The following CNTN4 variants were observed in gnomAD, a reference collection of about 807,000 sequenced individuals.
CNTN4 encodes the protein contactin 4.
Under a neutral mutation model 122.5 loss-of-function variants are expected in CNTN4, and 77 were observed. That is an observed-to-expected ratio of 0.63 (90% CI 0.52 to 0.76). The LOEUF (loss-of-function observed/expected upper bound fraction) is 0.76, where lower values mean the gene tolerates loss of function less well. Ranked by LOEUF, CNTN4 falls within the 30% of genes least tolerant of loss-of-function variation. The pLI is 0.00. For synonymous variants in CNTN4, 512 were observed against 447.0 expected (o/e 1.15, Z -1.83); for missense variants, 1,256 against 1,259.1 (o/e 1.00, Z 0.04).
At chr3:3,007,879 A>G (rs1286513255) in intron 14 of CNTN4, among the ~76,000 whole-genome samples, 4 of 152,202 alleles carry the variant, frequency 2.6e-5, no homozygotes, top group Admixed American at 2.6e-4. Flanking sequence ...GGCTGGAACA[A>G]CAGAGATAAA....
intron 8 of CNTN4, among the ~76,000 whole-genome samples, chr3:2,878,648 A>G (rs1353098436): frequency 3.3e-5 from 5 of 151,826 alleles, no homozygotes; most frequent in African/African-American, 1.2e-4. Flanking sequence ...CAGCATTGCT[A>G]TTTAAGAGGT....
At chr3:2,893,509 A>G (rs530627317) in intron 10 of CNTN4, among the ~76,000 whole-genome samples, 7 of 152,362 alleles carry the variant, frequency 4.6e-5, no homozygotes, top group African/African-American at 1.4e-4. Flanking sequence ...GATAAAGTCA[A>G]CAATTTTTGT....
At chr3:2,415,609 G>C (rs962077634) in intron 3 of CNTN4, among the ~76,000 whole-genome samples, 5 of 152,042 alleles carry the variant, frequency 3.3e-5, no homozygotes, top group South Asian at 2.1e-4. Context: ...ACGTTTGCTT[G>C]GTATACATTT....
intron 12 of CNTN4, among the ~76,000 whole-genome samples, chr3:2,919,971 A>C (rs116009520): frequency 0.042 from 6,354 of 152,238 alleles, 434 homozygotes; most frequent in African/African-American, 0.15. Context: ...TGAGTTTTCA[A>C]GTCTTTTATA....
At chr3:2,388,494 C>T (rs1350469885) in intron 3 of CNTN4, among the ~76,000 whole-genome samples, 1 of 152,140 alleles carries the variant, frequency 6.6e-6, no homozygotes, top group Non-Finnish European at 1.5e-5. Flanking sequence ...CCTTTGCTTT[C>T]TCTCAGAATA....
chr3:2,154,526 CTG>C (rs1439645536), intron 2 of CNTN4, among the ~76,000 whole-genome samples: 1 of 152,092 alleles, frequency 6.6e-6, no homozygotes, highest in Non-Finnish European at 1.5e-5. Flanking sequence ...TTGTCTGAGT[CTG>C]TGTGCAAAAT....
Position 2,759,707 on chromosome 3 carries a change from C to G in CNTN4, c.358+14010C>G, listed in dbSNP as rs373652390. 1.7e-4 allele frequency among the ~76,000 whole-genome samples: 20 copies of G among 116,706 alleles called. 1 individual carries two copies. The East Asian group carries it at 3.3e-3, about 19-fold the overall frequency. 76.6% of individuals were successfully genotyped at this position (116,706 alleles called of 152,430 possible). On this transcript the variant is annotated intron_variant, in intron 6 of 24. Coordinates refer to ENST00000418658, the MANE Select transcript of CNTN4 (RefSeq NM_175607.3). ...CAGTAACTGGGCAACAGAGGAGACTCTGTCTCAAAAAAAAAAAAAGTATGT... is the reference window on the plus strand; with the variant it reads ...CAGTAACTGGGCAACAGAGGAGACTGTGTCTCAAAAAAAAAAAAAGTATGT...
rs2042141448 is a variant in CNTN4, at chr3:2,291,712, A to G, written c.-144-47466A>G. ...TTTGTGTTGATTTGTTTTGAACTATAATATTTTATTTTATTTTATTTTATT... is the reference window on the plus strand; with the variant it reads ...TTTGTGTTGATTTGTTTTGAACTATGATATTTTATTTTATTTTATTTTATT... On this transcript the variant is annotated intron_variant, in intron 2 of 24. Coordinates refer to ENST00000418658, the MANE Select transcript of CNTN4 (RefSeq NM_175607.3). 4.0e-5 allele frequency among the ~76,000 whole-genome samples: 6 copies of G among 151,686 alleles called. No homozygotes were observed. In the South Asian group the frequency reaches 1.2e-3, roughly 31 times the overall value.
intron 2 of CNTN4, among the ~76,000 whole-genome samples, chr3:2,169,639 C>T (rs139594204): frequency 0.17 from 25,307 of 151,408 alleles, 2,588 homozygotes; most frequent in Non-Finnish European, 0.25. Flanking sequence ...CCTCGTGATC[C>T]ACCCGCCTCC....
At chr3:2,532,672 C>T (rs891816968) in intron 3 of CNTN4, among the ~76,000 whole-genome samples, 2 of 151,968 alleles carry the variant, frequency 1.3e-5, no homozygotes, top group Admixed American at 6.6e-5. Context: ...GCTTAATTTA[C>T]CAATTATTAG....
chr3:2,671,496 C>G (rs1402822256), intron 4 of CNTN4, among the ~76,000 whole-genome samples: 3 of 152,018 alleles, frequency 2.0e-5, no homozygotes, highest in African/African-American at 4.8e-5. Flanking sequence ...TTCATGTAAT[C>G]TTTTTTCAAG....
At chr3:3,013,945 T>G (rs1394294708) in intron 14 of CNTN4, among the ~76,000 whole-genome samples, 2 of 152,014 alleles carry the variant, frequency 1.3e-5, no homozygotes, top group Non-Finnish European at 2.9e-5. Context: ...CTCACTATCT[T>G]TCCTACCAAT....
intron 6 of CNTN4, among the ~76,000 whole-genome samples, chr3:2,784,355 T>C (rs2091726446): frequency 6.6e-6 from 1 of 152,236 alleles, no homozygotes; most frequent in African/African-American, 2.4e-5. Context: ...GCTGATTTTC[T>C]CAACTTTGTT....
At chr3:2,956,824 T>C (rs78878386) in intron 13 of CNTN4, among the ~76,000 whole-genome samples, 3,974 of 152,270 alleles carry the variant, frequency 0.026, 175 homozygotes, top group African/African-American at 0.09. Flanking sequence ...CTAGCAACCA[T>C]GGCTCTACTT....
intron 2 of CNTN4, among the ~76,000 whole-genome samples, chr3:2,150,304 A>T (rs1373381426): frequency 6.6e-6 from 1 of 152,242 alleles, no homozygotes; most frequent in African/African-American, 2.4e-5. Flanking sequence ...AAGTAAAAAA[A>T]AGTCAGCTAA....
chr3:2,561,895 C>T (rs1359416101), intron 3 of CNTN4, among the ~76,000 whole-genome samples: 1 of 152,118 alleles, frequency 6.6e-6, no homozygotes, highest in African/African-American at 2.4e-5. Flanking sequence ...CTGGGGCTGC[C>T]CTTGGGCTAA....
In CNTN4 at chr3:2,170,186, T is replaced by C. The variant is rs1178555908; in HGVS notation, c.-145+69547T>C. ...AATACAAAAAATTAGCCGGGCGTGG[T>C]GGCGGCGCCTGTAGTCCCAGCTACT... On this transcript the variant is annotated intron_variant, in intron 2 of 24. Coordinates refer to ENST00000418658, the MANE Select transcript of CNTN4 (RefSeq NM_175607.3). Among the ~76,000 whole-genome samples the C allele has an allele frequency of 2.3e-4, 32 of 136,426 alleles. No homozygotes were observed. In the East Asian group the frequency reaches 6.1e-3, roughly 26 times the overall value. The allele number at this position is 136,426 out of a possible 152,430, so 89.5% of individuals were successfully genotyped here.
At chr3:2,172,960 A>G (rs1402958572) in intron 2 of CNTN4, among the ~76,000 whole-genome samples, 1 of 152,194 alleles carries the variant, frequency 6.6e-6, no homozygotes, top group Non-Finnish European at 1.5e-5. Context: ...AGCCTATGTG[A>G]CAGGTATTAT....
At chr3:2,766,212 T>G (rs1209037878) in intron 6 of CNTN4, among the ~76,000 whole-genome samples, 1 of 152,210 alleles carries the variant, frequency 6.6e-6, no homozygotes, top group Admixed American at 6.5e-5. Flanking sequence ...GTGGATTTCC[T>G]TCACCTTTCT....
Sources: allele counts gnomAD v4.1 joint callset (sites outside exome capture counted in the v4.1 genomes callset), GRCh38; gene constraint gnomAD v4.1.1; transcripts MANE v1.5; gene names NCBI Gene and HGNC (gene_info 2026-07-23, HGNC 2026-07-21).